Variants in VEZT observed in about 807,000 individuals in gnomAD.
VEZT encodes vezatin, adherens junctions transmembrane protein, also known as vezatin.
VEZT carries 39 observed loss-of-function variants against 79.9 expected under a neutral mutation model. The observed-to-expected ratio is 0.49, with a 90% CI of 0.38 to 0.64. The LOEUF is 0.64. Among genes scored for constraint, VEZT ranks in the 30% least tolerant of loss-of-function variants. The pLI, the probability that VEZT is intolerant of heterozygous loss-of-function variation, is 0.00. For missense variants in VEZT, 837 were observed against 893.1 expected (o/e 0.94, Z 0.80); for synonymous variants, 325 against 327.6 (o/e 0.99, Z 0.09).
intron 1 of VEZT, among the ~76,000 whole-genome samples, chr12:95,222,345 A>AC (rs377416198): frequency 6.6e-6 from 1 of 151,672 alleles, no homozygotes; most frequent in Non-Finnish European, 1.5e-5. Flanking sequence ...GAAGATCAAC[A>AC]TTTTTTTTTC....
At chr12:95,285,085 CAAA>C (rs1165581329) in intron 8 of VEZT, among the ~76,000 whole-genome samples, 147 of 44,658 alleles carry the variant, frequency 3.3e-3, no homozygotes, top group African/African-American at 0.012. Context: ...GACTCTGTCT[CAAA>C]AAAAAAAAAA....
intron 10 of VEZT, among the ~76,000 whole-genome samples, chr12:95,295,730 T>C (rs2073999352): frequency 6.6e-6 from 1 of 152,148 alleles, no homozygotes; most frequent in South Asian, 2.1e-4. Context: ...GCCCTTCTAA[T>C]TTTGATTGGT....
intron 9 of VEZT, among the ~76,000 whole-genome samples, chr12:95,291,711 C>A (rs191292744): frequency 6.6e-6 from 1 of 152,150 alleles, no homozygotes; most frequent in Admixed American, 6.6e-5. Context: ...CACTTTATAA[C>A]CTTCTGTGCT....
intron 1 of VEZT, among the ~76,000 whole-genome samples, chr12:95,245,158 C>T (rs1278845236): frequency 3.9e-5 from 6 of 152,134 alleles, no homozygotes; most frequent in Non-Finnish European, 4.4e-5. Flanking sequence ...CACTTGAACC[C>T]GGGAGGTGGA....
At chr12:95,266,657 C>T (rs777694789) in intron 5 of VEZT, 25 bp downstream of exon 5, 1 of 1,547,140 alleles carries the variant, frequency 6.5e-7, no homozygotes, top group South Asian at 1.2e-5. Context: ...TATTTTATTT[C>T]TTAAATGATT....
intron 1 of VEZT, among the ~76,000 whole-genome samples, chr12:95,244,592 T>A (rs548392293): frequency 1.3e-5 from 2 of 149,186 alleles, no homozygotes; most frequent in South Asian, 4.2e-4. Flanking sequence ...TCTTGCCTCT[T>A]TTTTTTTTTT....
At chr12:95,260,440 G>GA (rs1423586128) in intron 3 of VEZT, among the ~76,000 whole-genome samples, 22 of 152,234 alleles carry the variant, frequency 1.4e-4, no homozygotes, top group African/African-American at 4.8e-4. Context: ...TATTCCTAAT[G>GA]CTATTAATAC....
In VEZT at chr12:95,296,061, C is replaced by G. The variant is rs775587790; in HGVS notation, c.1634C>G (p.Ala545Gly). 4 of 1,545,670 alleles carry G rather than the reference C, an allele frequency of 2.6e-6. No homozygotes were observed. Among genetic ancestry groups the G allele is most frequent in the South Asian group, 1.2e-5 (1 of 82,290 alleles). ...DPIPEEQELEAYVDDIDIDSD... is the reference protein window; with the variant it reads ...DPIPEEQELEGYVDDIDIDSD... ...TCTATTCATTTTCAGGAATTAGAAGCTTATGTAGATGATATAGATATTGAT... is the reference window on the plus strand; with the variant it reads ...TCTATTCATTTTCAGGAATTAGAAGGTTATGTAGATGATATAGATATTGAT... Residue 545 changes from alanine (A) to glycine (G), a missense_variant, in exon 11 of 12, where the codon GCT becomes GGT. By Grantham distance (60) the Ala-to-Gly change is moderately conservative. Coordinates refer to ENST00000436874, the MANE Select transcript of VEZT (RefSeq NM_017599.4).
At position 95,300,378 on chromosome 12, in the gene VEZT, TC is replaced by T. The variant is rs767395182; in HGVS notation, c.2050del (p.Gln684LysfsTer24). ...AAAGATAATTCTTCAAATGAAGTCT[TC>T]CCCCAAGGAGCAGAAGAAAGAATGT... Reference protein sequence around the residue: ...KNKDNSSNEVFPQGAEERMCY... With the variant: ...KNKDNSSNEVXPQGAEERMCY... On this transcript the variant is annotated frameshift_variant, in exon 12 of 12. Transcript: ENST00000436874. LOFTEE classifies it low-confidence loss of function (END_TRUNC). 2 of 1,613,860 alleles carry T rather than the reference TC, an allele frequency of 1.2e-6. No individual in the cohort carries two copies. The highest frequency in any genetic ancestry group is 1.1e-5 in the South Asian group (1 of 91,046).
chr12:95,263,555 A>G (rs1182773847), intron 4 of VEZT, among the ~76,000 whole-genome samples: 1 of 152,060 alleles, frequency 6.6e-6, no homozygotes, highest in East Asian at 1.9e-4. Context: ...GGAGACTGAT[A>G]TGGGAGGATT....
chr12:95,269,873 G>A, intron 5 of VEZT, 178 bp from the exon 6 acceptor site: 1 of 600,692 alleles, frequency 1.7e-6, no homozygotes. Flanking sequence ...TATATATCTA[G>A]TCACAGAAAT....
At chr12:95,219,702 A>G (rs2057278982) in intron 1 of VEZT, among the ~76,000 whole-genome samples, 1 of 152,254 alleles carries the variant, frequency 6.6e-6, no homozygotes, top group Non-Finnish European at 1.5e-5. Flanking sequence ...AAAGAATATG[A>G]ACATTTAAGA....
intron 7 of VEZT, among the ~76,000 whole-genome samples, chr12:95,281,614 C>T (rs1409333192): frequency 6.6e-6 from 1 of 150,762 alleles, no homozygotes; most frequent in African/African-American, 2.4e-5. Flanking sequence ...GGCGCCATCT[C>T]AGCTCACTGT....
chr12:95,289,455 C>G (rs1303700014), intron 9 of VEZT, among the ~76,000 whole-genome samples: 3 of 150,712 alleles, frequency 2.0e-5, no homozygotes, highest in Admixed American at 2.0e-4. Flanking sequence ...AAGATGCATC[C>G]CATTCATCCC....
intron 4 of VEZT, among the ~76,000 whole-genome samples, chr12:95,264,117 G>A (rs1189309942): frequency 6.6e-6 from 1 of 152,154 alleles, no homozygotes; most frequent in Non-Finnish European, 1.5e-5. Context: ...TTGGCCTCAA[G>A]GTTCTGTATT....
At chr12:95,280,500 A>T (rs1046244555) in intron 7 of VEZT, among the ~76,000 whole-genome samples, 1 of 107,120 alleles carries the variant, frequency 9.3e-6, no homozygotes, top group African/African-American at 3.5e-5. Context: ...ACACACACAC[A>T]CTATTCCCCC....
chr12:95,218,454 C>A (rs1042636662), intron 1 of VEZT: 2 of 152,136 alleles, frequency 1.3e-5, no homozygotes, highest in African/African-American at 4.8e-5. Context: ...TTTGCTGTTG[C>A]GCTAGGTGTA....
chr12:95,249,230 T>A (rs1188599820), intron 1 of VEZT, among the ~76,000 whole-genome samples: 1 of 152,192 alleles, frequency 6.6e-6, no homozygotes, highest in Non-Finnish European at 1.5e-5. Context: ...TTCCCTTTGA[T>A]CCATCTTATT....
chr12:95,253,338 C>A (rs1055377896), intron 2 of VEZT, among the ~76,000 whole-genome samples: 1 of 152,176 alleles, frequency 6.6e-6, no homozygotes, highest in Non-Finnish European at 1.5e-5. Flanking sequence ...TGTGAGGTAA[C>A]CAAGCTGGCC....
Sources: gnomAD v4.1 joint callset for allele counts (sites outside exome capture counted in the v4.1 genomes callset) on GRCh38, gnomAD v4.1.1 for gene constraint, MANE v1.5 for transcripts, NCBI Gene and HGNC (gene_info 2026-07-23, HGNC 2026-07-21) for gene names.